Variants in SNTA1 observed in about 807,000 individuals in gnomAD.
The protein encoded by SNTA1 is alpha-1-syntrophin.
A neutral mutation model predicts 47.1 loss-of-function variants in SNTA1; 31 were observed. That is an observed-to-expected ratio of 0.66 (90% CI 0.49 to 0.89). SNTA1 has a LOEUF of 0.89. SNTA1 is among the 40% of genes least tolerant of loss of function. The pLI, the probability that SNTA1 is intolerant of heterozygous loss-of-function variation, is 0.00. For synonymous variants in SNTA1, 300 were observed against 313.6 expected, an observed-to-expected ratio of 0.96 and a Z score of 0.46; for missense variants, 575 against 693.0, an observed-to-expected ratio of 0.83 and a Z score of 1.91.
intron 2 of SNTA1, among the ~76,000 whole-genome samples, chr20:33,424,673 C>G (rs1215658657): frequency 2.0e-5 from 3 of 151,768 alleles, no homozygotes; most frequent in Non-Finnish European, 4.4e-5. Context: ...GTTATTATGC[C>G]TGGCTAATTT....
intron 6 of SNTA1, 35 bp downstream of exon 6, chr20:33,410,100 T>A: frequency 6.2e-7 from 1 of 1,608,212 alleles, no homozygotes; most frequent in Non-Finnish European, 8.5e-7. Context: ...AGAGGCTTAT[T>A]ACCAGAGGGA....
intron 2 of SNTA1, among the ~76,000 whole-genome samples, chr20:33,422,296 G>A (rs994514242): frequency 1.0e-3 from 155 of 151,610 alleles, no homozygotes; most frequent in African/African-American, 3.7e-3. Context: ...AAAATTAGCC[G>A]GGCATGGTGG....
intron 2 of SNTA1, among the ~76,000 whole-genome samples, chr20:33,437,632 T>C (rs777707222): frequency 1.8e-4 from 27 of 152,100 alleles, no homozygotes; most frequent in Non-Finnish European, 3.1e-4. Flanking sequence ...CCACCAGGAT[T>C]TGGGCCTGGG....
chr20:33,433,726 A>G (rs1029094165), intron 2 of SNTA1, among the ~76,000 whole-genome samples: 3 of 152,086 alleles, frequency 2.0e-5, no homozygotes, highest in Admixed American at 2.0e-4. Context: ...AGGTCTGCAC[A>G]CACAACGGGC....
chr20:33,429,976 A>C (rs1321570335), intron 2 of SNTA1, among the ~76,000 whole-genome samples: 1 of 152,160 alleles, frequency 6.6e-6, no homozygotes, highest in Non-Finnish European at 1.5e-5. Context: ...TATGTTGCTC[A>C]GGCTAAGCTG....
chr20:33,432,082 G>A (rs1009810280), intron 2 of SNTA1, among the ~76,000 whole-genome samples: 3 of 152,194 alleles, frequency 2.0e-5, no homozygotes, highest in Non-Finnish European at 2.9e-5. Context: ...ACAGGTCTTT[G>A]CGGCCATGGG....
Position 33,443,695 on chromosome 20 carries a change from G to T in SNTA1, c.-75C>A. The T allele has an allele frequency of 1.0e-6, 1 of 953,574 alleles. No individual in the cohort carries two copies. The highest frequency in any genetic ancestry group is 1.3e-6 in the Non-Finnish European group (1 of 763,462). The allele number at this position is 953,574 out of a possible 1,614,324, so 59.1% of individuals were successfully genotyped here. Reference sequence around the variant, plus strand: ...CCAGCCCGCTCCGACCAAGCGCCCAGGGCAGAGGGCAGCGGGGGCCCGGCT... The same window carrying T: ...CCAGCCCGCTCCGACCAAGCGCCCATGGCAGAGGGCAGCGGGGGCCCGGCT... On this transcript the variant is annotated 5_prime_UTR_variant, in exon 1 of 8. In the 5' UTR this introduces an upstream ATG that the reference lacks. Coordinates refer to ENST00000217381, the MANE Select transcript of SNTA1 (RefSeq NM_003098.3).
At chr20:33,432,423 G>T (rs1705244129) in intron 2 of SNTA1, among the ~76,000 whole-genome samples, 1 of 152,178 alleles carries the variant, frequency 6.6e-6, no homozygotes. Context: ...AATTGAAAAG[G>T]TGAAAGGTAA....
At chr20:33,421,313 C>CAGACT (rs530864290) in intron 2 of SNTA1, among the ~76,000 whole-genome samples, 136 of 152,240 alleles carry the variant, frequency 8.9e-4, no homozygotes, top group Middle Eastern at 3.4e-3. Flanking sequence ...ATCTGCTAGT[C>CAGACT]AGTAAAAGAT....
At chr20:33,411,524 C>T (rs971471777) in intron 5 of SNTA1, among the ~76,000 whole-genome samples, 1 of 152,208 alleles carries the variant, frequency 6.6e-6, no homozygotes, top group African/African-American at 2.4e-5. Context: ...ATCTCTCCTG[C>T]ATGACTGCAG....
intron 1 of SNTA1, among the ~76,000 whole-genome samples, chr20:33,441,469 CTT>C (rs967863813): frequency 1.3e-5 from 2 of 152,194 alleles, no homozygotes; most frequent in Non-Finnish European, 1.5e-5. Context: ...GAACACCTCT[CTT>C]GACGCCCACA....
chr20:33,424,036 C>T (rs1397578918), intron 2 of SNTA1, among the ~76,000 whole-genome samples: 2 of 152,122 alleles, frequency 1.3e-5, no homozygotes, highest in African/African-American at 2.4e-5. Flanking sequence ...ACCTGACGGC[C>T]GGGCGCGGTG....
chr20:33,412,395 G>A lies in SNTA1; in HGVS notation c.941C>T (p.Ala314Val), dbSNP rs1989761736. ...LPSGGTAPTLALLTEKELLLY... is the reference protein window; with the variant it reads ...LPSGGTAPTLVLLTEKELLLY... The stretch of plus-strand genomic sequence containing the variant: ...GAGCAGTTCCTTTTCAGTTAGCAGG[G>A]CCAGGGTGGGGGCTGTGCCCCCACT... Residue 314 changes from alanine (A) to valine (V), a missense_variant, in exon 5 of 8, where the codon GCC (alanine) becomes GTC (valine). Physicochemically the swap from Ala to Val is moderately conservative, Grantham distance 64. Coordinates refer to ENST00000217381, the MANE Select transcript of SNTA1 (RefSeq NM_003098.3). 1 of 1,610,988 alleles carries A rather than the reference G, an allele frequency of 6.2e-7. No homozygotes were observed. Among genetic ancestry groups the A allele is most frequent in the African/African-American group, 1.3e-5 (1 of 75,052 alleles).
rs765983104 is a variant in SNTA1 at position 33,410,240 on chromosome 20, T to C, written c.1132A>G (p.Thr378Ala). The C allele has an allele frequency of 1.2e-6, 2 of 1,613,582 alleles. No individual in the cohort carries two copies. Among genetic ancestry groups the C allele is most frequent in the Admixed American group, 1.7e-5 (1 of 59,976 alleles). The change falls in exon 6 of 8, where the codon ACT (threonine) becomes GCT (alanine). Residue 378 changes from threonine (T) to alanine (A), a missense_variant. Physicochemically the swap from Thr to Ala is moderately conservative, Grantham distance 58. Coordinates refer to ENST00000217381, the MANE Select transcript of SNTA1 (RefSeq NM_003098.3). ...LRTGTRHGVD[T>A]HLFSVESPQE... ...GGTGACTCCACGCTGAACAGGTGAG[T>C]GTCCACACCGTGACGCGTGCCCGTG...
chr20:33,409,384 G>A (rs1394149476), intron 6 of SNTA1, among the ~76,000 whole-genome samples: 2 of 152,060 alleles, frequency 1.3e-5, no homozygotes, highest in Non-Finnish European at 2.9e-5. Context: ...TGACAAAACT[G>A]GGGCAAGAAA....
chr20:33,425,415 T>G (rs143825814), intron 2 of SNTA1, among the ~76,000 whole-genome samples: 5 of 151,954 alleles, frequency 3.3e-5, no homozygotes. Context: ...ATTCCAGCAC[T>G]GTGGGAGGCC....
chr20:33,408,070 A>G lies in SNTA1; in HGVS notation c.*437T>C, dbSNP rs1989638018. 8.2e-6 allele frequency: 2 copies of G among 244,876 alleles called. No homozygotes were observed. The highest frequency in any genetic ancestry group is 1.1e-4 in the South Asian group (2 of 18,300). The allele number at this position is 244,876 out of a possible 1,614,324, so 15.2% of individuals were successfully genotyped here. ...TCCCCACGGTGGCAGGGCTGAGGGGAAAAACAAACAGAAAATCTCCTCTTC... is the reference window on the plus strand; with the variant it reads ...TCCCCACGGTGGCAGGGCTGAGGGGGAAAACAAACAGAAAATCTCCTCTTC... On this transcript the variant is annotated 3_prime_UTR_variant, in exon 8 of 8. Transcript: ENST00000217381.
At chr20:33,409,030 ACCCACCCTGCAGAGAGTCATCACC>A (rs1047130017) in intron 6 of SNTA1, 142 bp from the exon 7 acceptor site, 36 of 738,696 alleles carry the variant, frequency 4.9e-5, no homozygotes, top group Non-Finnish European at 7.9e-5. Flanking sequence ...GCACCAGTAC[ACCCACCCTGCAGAGAGTCATCACC>A]CCCACCCTCA....
At chr20:33,413,532 T>C (rs913509424) in intron 3 of SNTA1, among the ~76,000 whole-genome samples, 4 of 152,082 alleles carry the variant, frequency 2.6e-5, no homozygotes, top group African/African-American at 7.2e-5. Context: ...ATCTTGCCCC[T>C]TTCTCCTGGT....
Sources: allele counts gnomAD v4.1 joint callset (sites outside exome capture counted in the v4.1 genomes callset), GRCh38; gene constraint gnomAD v4.1.1; transcripts MANE v1.5; gene names NCBI Gene and HGNC (gene_info 2026-07-23, HGNC 2026-07-21).